Variants in DNAJB14 observed in about 807,000 individuals in gnomAD.
The protein encoded by DNAJB14 is dnaJ homolog subfamily B member 14.
In DNAJB14, 22 loss-of-function variants were observed where a neutral mutation model predicts 48.4. That is an observed-to-expected ratio of 0.45 (90% confidence interval 0.32 to 0.65). The LOEUF is 0.65. DNAJB14 is among the 30% of genes least tolerant of loss of function. The pLI is 0.03. For missense variants in DNAJB14, 319 were observed against 458.8 expected, an observed-to-expected ratio of 0.70 and a Z score of 2.78; for synonymous variants, 142 against 158.7, an observed-to-expected ratio of 0.89 and a Z score of 0.79.
chr4:99,907,447 G>A (rs1370782751), intron 4 of DNAJB14, among the ~76,000 whole-genome samples: 1 of 152,034 alleles, frequency 6.6e-6, no homozygotes, highest in South Asian at 2.1e-4. Flanking sequence ...GGCTAAGGTG[G>A]GAGGATTGCT....
intron 1 of DNAJB14, among the ~76,000 whole-genome samples, chr4:99,945,228 T>G: frequency 6.6e-6 from 1 of 152,322 alleles, no homozygotes; most frequent in Non-Finnish European, 1.5e-5. Flanking sequence ...CTTAAAAAAT[T>G]ATTAACTCTT....
chr4:99,939,207 C>T (rs908117491), intron 1 of DNAJB14, among the ~76,000 whole-genome samples: 2 of 152,118 alleles, frequency 1.3e-5, no homozygotes, highest in Non-Finnish European at 2.9e-5. Flanking sequence ...ACTAAAAATA[C>T]AAAAATTACC....
intron 1 of DNAJB14, among the ~76,000 whole-genome samples, chr4:99,939,004 A>T (rs1560749221): frequency 6.6e-6 from 1 of 152,178 alleles, no homozygotes; most frequent in Non-Finnish European, 1.5e-5. Flanking sequence ...CGGCCAATAA[A>T]AAAAAAAACT....
intron 2 of DNAJB14, chr4:99,924,718 G>A (rs757160387): frequency 1.9e-6 from 3 of 1,608,794 alleles, no homozygotes; most frequent in African/African-American, 2.7e-5. Context: ...GAAGCTATGT[G>A]ATAGAAAAAA....
At chr4:99,909,812 A>G (rs1725597329) in intron 3 of DNAJB14, among the ~76,000 whole-genome samples, 2 of 152,040 alleles carry the variant, frequency 1.3e-5, no homozygotes, top group African/African-American at 4.8e-5. Context: ...TCATGCTGAA[A>G]AAAAAGACTA....
At chr4:99,945,586 C>G (rs1045746479) in intron 1 of DNAJB14, among the ~76,000 whole-genome samples, 1 of 152,228 alleles carries the variant, frequency 6.6e-6, no homozygotes, top group Non-Finnish European at 1.5e-5. Flanking sequence ...CATTAATTAT[C>G]AGAAAGTCTG....
At chr4:99,924,523 A>T in intron 2 of DNAJB14, 1 of 374,860 alleles carries the variant, frequency 2.7e-6, no homozygotes, top group Non-Finnish European at 4.6e-6. Flanking sequence ...TCTACTTTAG[A>T]TACTTAAAAA....
At position 99,909,622 on chromosome 4, in the gene DNAJB14, T is replaced by C. The variant is rs189953237; in HGVS notation, c.452-726A>G. Among the ~76,000 whole-genome samples, 166 of 152,150 alleles carry C rather than the reference T, an allele frequency of 1.1e-3. 2 individuals carry two copies. Among genetic ancestry groups the C allele is most frequent in the Admixed American group, 8.0e-3 (122 of 15,280 alleles). On this transcript the variant is annotated intron_variant, in intron 3 of 7. Transcript: ENST00000442697. ...CTTTGCTACCTTCACAACATTTATT[T>C]ATAAAAAAGAATTCTCTTTCCCATC...
At chr4:99,901,211 A>C (rs774750469) in intron 7 of DNAJB14, 59 bp from the exon 8 acceptor site, 27 of 1,457,892 alleles carry the variant, frequency 1.9e-5, no homozygotes, top group Non-Finnish European at 2.3e-5. Flanking sequence ...CTAGTTGCTT[A>C]AGCTCAAGTG....
chr4:99,938,126 A>T (rs1469556281), intron 1 of DNAJB14, among the ~76,000 whole-genome samples: 6 of 123,678 alleles, frequency 4.9e-5, no homozygotes, highest in African/African-American at 2.0e-4. Flanking sequence ...AAAAAAAAAA[A>T]ATAGCTGGGC....
intron 1 of DNAJB14, among the ~76,000 whole-genome samples, 187 bp downstream of exon 1, chr4:99,946,252 G>A (rs921925548): frequency 6.6e-6 from 1 of 152,164 alleles, no homozygotes. Context: ...CCGAGCCCCA[G>A]CCCGGAGCCG....
At position 99,899,347 on chromosome 4, in the gene DNAJB14, C is replaced by G. The variant is rs974456329; in HGVS notation, c.*1681G>C. ...GAACTTATATTTTTAAAAACTTACT[C>G]TGCAGGCTCAACAAAATAATTAAAA... On this transcript the variant is annotated 3_prime_UTR_variant, in exon 8 of 8. Transcript: ENST00000442697. 1 of 151,354 alleles carries G rather than the reference C, an allele frequency of 6.6e-6. No homozygotes were observed. The highest frequency in any genetic ancestry group is 2.4e-5 in the African/African-American group (1 of 41,108). The allele number at this position is 151,354 out of a possible 1,614,324, so 9.4% of individuals were successfully genotyped here.
At chr4:99,923,246 T>G in intron 2 of DNAJB14, 61 bp from the exon 3 acceptor site, 36 of 1,387,528 alleles carry the variant, frequency 2.6e-5, no homozygotes, top group Non-Finnish European at 3.1e-5. Context: ...GTAATATCTC[T>G]AATTTTTAAT....
At chr4:99,920,734 G>C (rs890495514) in intron 3 of DNAJB14, among the ~76,000 whole-genome samples, 1 of 152,148 alleles carries the variant, frequency 6.6e-6, no homozygotes, top group Non-Finnish European at 1.5e-5. Flanking sequence ...CTCCTTGAGA[G>C]CAATCTTTTT....
intron 1 of DNAJB14, among the ~76,000 whole-genome samples, chr4:99,931,787 A>C (rs1053392335): frequency 6.6e-6 from 1 of 151,912 alleles, no homozygotes; most frequent in Non-Finnish European, 1.5e-5. Flanking sequence ...TTATATGAGA[A>C]ATCAGTTACA....
In DNAJB14 at chr4:99,899,085, T is replaced by C. The variant is rs1268230300; in HGVS notation, c.*1943A>G. 6.6e-6 allele frequency: 1 copy of C among 151,954 alleles called. No homozygotes were observed. The highest frequency in any genetic ancestry group is 1.5e-5 in the Non-Finnish European group (1 of 67,826). 9.4% of individuals were successfully genotyped at this position (151,954 alleles called of 1,614,324 possible). On this transcript the variant is annotated 3_prime_UTR_variant, in exon 8 of 8. Transcript: ENST00000442697. ...ACTGTCCAAAAGCCATGTATGACTT[T>C]ATAATATATACTTTATGGTATCACT...
intron 1 of DNAJB14, among the ~76,000 whole-genome samples, chr4:99,937,546 CA>C (rs1379906763): frequency 6.8e-6 from 1 of 147,948 alleles, no homozygotes; most frequent in Admixed American, 6.7e-5. Context: ...GGCAACATAG[CA>C]AAACCTTGCC....
intron 3 of DNAJB14, among the ~76,000 whole-genome samples, chr4:99,921,665 A>C (rs1428693673): frequency 6.6e-6 from 1 of 152,196 alleles, no homozygotes; most frequent in Non-Finnish European, 1.5e-5. Flanking sequence ...TCATAAATCT[A>C]AACTCACTTT....
intron 1 of DNAJB14, among the ~76,000 whole-genome samples, chr4:99,934,996 A>T (rs1264922823): frequency 6.6e-6 from 1 of 151,740 alleles, no homozygotes; most frequent in Non-Finnish European, 1.5e-5. Flanking sequence ...ACATTTTTTT[A>T]AAAAGTCAAA....
Sources: gnomAD v4.1 joint callset for allele counts (sites outside exome capture counted in the v4.1 genomes callset) on GRCh38, gnomAD v4.1.1 for gene constraint, MANE v1.5 for transcripts, NCBI Gene and HGNC (gene_info 2026-07-23, HGNC 2026-07-21) for gene names.